KDELR1: variants seen among roughly 807,000 people sequenced by gnomAD.
The protein encoded by KDELR1 is ER lumen protein-retaining receptor 1.
KDELR1 carries 16 observed loss-of-function variants against 25.5 expected under a neutral mutation model. The ratio of observed to expected loss-of-function variants is 0.63; its 90% CI spans 0.43 to 0.95. KDELR1 has a LOEUF of 0.95. Among genes scored for constraint, KDELR1 ranks in the 40% least tolerant of loss-of-function variants. The pLI is 0.00. For synonymous variants in KDELR1, 121 were observed against 115.0 expected (o/e 1.05, Z -0.33); for missense variants, 159 against 265.2 (o/e 0.60, Z 2.78).
intron 3 of KDELR1, among the ~76,000 whole-genome samples, chr19:48,388,752 GAAGAAAGAAAGGAAAGAAAGGAAGA>G (rs1880132066): frequency 1.4e-5 from 2 of 142,920 alleles, no homozygotes; most frequent in Non-Finnish European, 3.0e-5. Context: ...AGGAAGGAAA[GAAGAAAGAAAGGAAAGAAAGGAAGA>G]AAGAAAGAAA....
At chr19:48,395,823 C>T (rs1009714922), upstream of KDELR1, among the ~76,000 whole-genome samples, 9 of 152,088 alleles carry the variant, frequency 5.9e-5, no homozygotes, top group Non-Finnish European at 1.3e-4. Flanking sequence ...AACCCGGACT[C>T]CTGGGTCCTT....
At position 48,391,426 on chromosome 19, in the gene KDELR1, GCTGGT is replaced by G; in HGVS notation, c.-73_-69del. On this transcript the variant is annotated 5_prime_UTR_variant, in exon 1 of 5. Transcript: ENST00000330720. The stretch of plus-strand genomic sequence containing the variant: ...TGGCGGGGGGGTGCCCCCCGAGGCT[GCTGGT>G]CTGAACGGGTAGCTGGGCTGGGGGG... 7.7e-7 allele frequency: 1 copy of G among 1,305,636 alleles called. No individual in the cohort carries two copies. The highest frequency in any genetic ancestry group is 1.3e-5 in the South Asian group (1 of 78,932). 80.9% of individuals were successfully genotyped at this position (1,305,636 alleles called of 1,614,324 possible). A position where few individuals can be genotyped will look rare whatever the true frequency, so the allele number is the denominator to read the frequency against.
At position 48,384,087 on chromosome 19, in the gene KDELR1, T is replaced by C; in HGVS notation, c.604+143A>G. 1 of 977,018 alleles carries C rather than the reference T, an allele frequency of 1.0e-6. No homozygotes were observed. Among genetic ancestry groups the C allele is most frequent in the South Asian group, 1.7e-5 (1 of 59,866 alleles). 60.5% of individuals were successfully genotyped at this position (977,018 alleles called of 1,614,324 possible). A position where few individuals can be genotyped will look rare whatever the true frequency, so the allele number is the denominator to read the frequency against. ...CTAACGGTCTGAATTCCTAGGAGGATGGTAGGCCTGCCACCCCAGAAACCC... is the reference window on the plus strand; with the variant it reads ...CTAACGGTCTGAATTCCTAGGAGGACGGTAGGCCTGCCACCCCAGAAACCC... On this transcript the variant is annotated intron_variant, in intron 4 of 4. Transcript: ENST00000330720. The surrounding 1 kb of genome is among the most constrained non-coding windows in gnomAD (Gnocchi z 4.6).
chr19:48,395,351 C>T (rs1358796783), upstream of KDELR1, among the ~76,000 whole-genome samples: 2 of 151,762 alleles, frequency 1.3e-5, no homozygotes, highest in African/African-American at 4.8e-5. Flanking sequence ...TATGAGTCTG[C>T]TATTAATACC....
upstream of KDELR1, among the ~76,000 whole-genome samples, chr19:48,392,544 A>C (rs1453810443): frequency 6.6e-6 from 1 of 152,112 alleles, no homozygotes; most frequent in Admixed American, 6.5e-5. Context: ...TGGATCAAAC[A>C]TCCTAACCTT....
upstream of KDELR1, chr19:48,391,676 C>T (rs964491020): frequency 2.5e-6 from 1 of 399,316 alleles, no homozygotes; most frequent in African/African-American, 2.1e-5. Context: ...AAACGCACCC[C>T]CAAAGCTGCC....
chr19:48,393,135 G>T (rs1600962045), upstream of KDELR1, among the ~76,000 whole-genome samples: 1 of 152,052 alleles, frequency 6.6e-6, no homozygotes, highest in East Asian at 1.9e-4. The surrounding 1 kb of genome is among the most constrained non-coding windows in gnomAD (Gnocchi z 5.6). Context: ...ACGGGGGAGA[G>T]TCGGGATGAC....
chr19:48,388,484 G>A (rs966121375), intron 3 of KDELR1, among the ~76,000 whole-genome samples: 6 of 151,844 alleles, frequency 4.0e-5, no homozygotes, highest in Admixed American at 6.6e-5. Flanking sequence ...TCAGGAATTC[G>A]AGACCAGCCT....
chr19:48,385,921 C>G (rs1168016773), intron 3 of KDELR1, among the ~76,000 whole-genome samples: 2 of 152,130 alleles, frequency 1.3e-5, no homozygotes, highest in Admixed American at 6.5e-5. Flanking sequence ...CAGATTCCCA[C>G]TGAAGCACGT....
chr19:48,387,026 G>A (rs892939041), intron 3 of KDELR1, among the ~76,000 whole-genome samples: 6 of 148,500 alleles, frequency 4.0e-5, no homozygotes, highest in Admixed American at 3.4e-4. Flanking sequence ...AGCAGAGATC[G>A]TGCCACTGCA....
In KDELR1 at chr19:48,384,588, G is replaced by T. The variant is rs1970480562; in HGVS notation, c.352-106C>A. 5.1e-6 allele frequency: 7 copies of T among 1,380,756 alleles called. No individual in the cohort carries two copies. Among genetic ancestry groups the T allele is most frequent in the African/African-American group, 1.4e-5 (1 of 69,970 alleles). 85.5% of individuals were successfully genotyped at this position (1,380,756 alleles called of 1,614,324 possible). A position where few individuals can be genotyped will look rare whatever the true frequency, so the allele number is the denominator to read the frequency against. On this transcript the variant is annotated intron_variant, in intron 3 of 4. Transcript: ENST00000330720. This position sits in a 1 kb window ranked among gnomAD's most constrained non-coding sequence, Gnocchi z 4.6. ...TGCCGCGAAGGTGGAGAGAAGGAAG[G>T]TGATCCAGGTGCTGCCAAGTGCCAG... is the stretch of plus-strand genomic sequence containing the variant.
chr19:48,390,708 T>C, intron 1 of KDELR1, 184 bp from the exon 2 acceptor site: 1 of 543,524 alleles, frequency 1.8e-6, no homozygotes, highest in South Asian at 2.2e-5. Context: ...CCCGGAGGCC[T>C]CCCCAGCCCG....
chr19:48,394,239 AT>A (rs1970603471), upstream of KDELR1, among the ~76,000 whole-genome samples: 1 of 151,610 alleles, frequency 6.6e-6, no homozygotes, highest in African/African-American at 2.4e-5. The surrounding 1 kb of genome is among the most constrained non-coding windows in gnomAD (Gnocchi z 5.1). Context: ...TTGAGGGGGA[AT>A]CCCAGGGAAG....
At chr19:48,387,946 G>T (rs890600577) in intron 3 of KDELR1, 1 of 152,202 alleles carries the variant, frequency 6.6e-6, no homozygotes, top group Non-Finnish European at 1.5e-5. Context: ...CCAGGAGTTT[G>T]TACAGGTCCC....
At chr19:48,391,552 A>AGGGAGGAGAGCGAGAGG, upstream of KDELR1, 2 of 581,728 alleles carry the variant, frequency 3.4e-6, no homozygotes, top group Non-Finnish European at 3.1e-6. Context: ...AGCCGGGAAG[A>AGGGAGGAGAGCGAGAGG]GGGAGGAGAG....
At chr19:48,396,843 C>T in the KDELR1 span, among the ~76,000 whole-genome samples, 4 of 151,992 alleles carry the variant, frequency 2.6e-5, no homozygotes, top group Non-Finnish European at 2.9e-5. Context: ...AGCATGACAG[C>T]CAGGAGAGAA....
chr19:48,389,838 C>G, intron 2 of KDELR1, 127 bp from the exon 3 acceptor site: 2 of 971,496 alleles, frequency 2.1e-6, no homozygotes, highest in South Asian at 3.1e-5. Flanking sequence ...CTCCCTCAGA[C>G]CCAGGAGTCC....
intron 1 of KDELR1, chr19:48,390,732 G>T: frequency 1.8e-6 from 1 of 544,340 alleles, no homozygotes; most frequent in Non-Finnish European, 3.3e-6. Context: ...CGCCTGAGCA[G>T]GGCCCTTTCC....
rs768587920 is a variant in KDELR1 at position 48,384,297 on chromosome 19, G to A, written c.537C>T (p.Ile179=). ...TCTGGACCAGGCCTGCCACAATGGCGATGAGGTCGAAGAAGCCCTCGAAAT... is the reference window on the plus strand; with the variant it reads ...TCTGGACCAGGCCTGCCACAATGGCAATGAGGTCGAAGAAGCCCTCGAAAT... ...RYHFEGFFDL[I]AIVAGLVQTV... Residue 179 remains isoleucine (I), a synonymous_variant, in exon 4 of 5, where the codon ATC becomes ATT. Transcript: ENST00000330720. The surrounding 1 kb of genome is among the most constrained non-coding windows in gnomAD (Gnocchi z 4.6). 14 of 1,614,106 alleles carry A rather than the reference G, an allele frequency of 8.7e-6. No homozygotes were observed. The African/African-American group carries it at 1.2e-4, about 14-fold the overall frequency.
Sources: gnomAD v4.1 joint callset for allele counts (sites outside exome capture counted in the v4.1 genomes callset) on GRCh38, gnomAD v4.1.1 for gene constraint, Gnocchi (gnomAD v3.1) non-coding constraint, MANE v1.5 for transcripts, NCBI Gene and HGNC (gene_info 2026-07-23, HGNC 2026-07-21) for gene names.